Variants in MALRD1 observed in about 807,000 individuals in gnomAD.
The protein encoded by MALRD1 is MAM and LDL receptor class A domain containing 1, also known as MAM and LDL-receptor class A domain-containing protein 1.
A neutral mutation model predicts 242.1 loss-of-function variants in MALRD1; 247 were observed. That is an observed-to-expected ratio of 1.02 (90% CI 0.92 to 1.13). MALRD1 has a LOEUF of 1.13. Among genes scored for constraint, MALRD1 ranks in the 50% most tolerant of loss-of-function variants. The pLI is 0.00. For missense variants in MALRD1, 2,989 were observed against 2,533.1 expected (o/e 1.18, Z -3.86); for synonymous variants, 995 against 866.6 (o/e 1.15, Z -2.60).
intron 14 of MALRD1, among the ~76,000 whole-genome samples, chr10:19,197,146 C>G (rs1205736120): frequency 6.6e-6 from 1 of 152,066 alleles, no homozygotes; most frequent in East Asian, 1.9e-4. Flanking sequence ...AAACCATCAG[C>G]TCTCATGAGA....
intron 2 of MALRD1, among the ~76,000 whole-genome samples, chr10:19,073,283 A>T (rs1835212607): frequency 6.6e-6 from 1 of 152,140 alleles, no homozygotes; most frequent in Non-Finnish European, 1.5e-5. Context: ...AAAATGTATT[A>T]TAAATGTATA....
intron 21 of MALRD1, among the ~76,000 whole-genome samples, chr10:19,313,082 T>C (rs999857686): frequency 4.6e-5 from 7 of 151,426 alleles, no homozygotes; most frequent in African/African-American, 1.7e-4. Context: ...AACATGGTGA[T>C]GCTGATGTTG....
intron 26 of MALRD1, among the ~76,000 whole-genome samples, chr10:19,372,439 G>A (rs962197571): frequency 6.6e-6 from 1 of 151,814 alleles, no homozygotes; most frequent in Non-Finnish European, 1.5e-5. Context: ...AGTTAGTGTA[G>A]GATGAGACAT....
At chr10:19,612,047 A>C (rs1211819774) in intron 35 of MALRD1, among the ~76,000 whole-genome samples, 2 of 151,180 alleles carry the variant, frequency 1.3e-5, no homozygotes, top group Non-Finnish European at 1.5e-5. Flanking sequence ...AATGGTCAGC[A>C]CTCCTGTACT....
At chr10:19,108,108 C>G (rs1422475676) in intron 5 of MALRD1, among the ~76,000 whole-genome samples, 1 of 152,030 alleles carries the variant, frequency 6.6e-6, no homozygotes, top group Non-Finnish European at 1.5e-5. Context: ...TCTTTTCTCC[C>G]TCTGGAAATT....
intron 20 of MALRD1, among the ~76,000 whole-genome samples, chr10:19,282,326 T>C (rs1196208629): frequency 1.3e-5 from 2 of 152,204 alleles, no homozygotes; most frequent in African/African-American, 4.8e-5. Flanking sequence ...TAAATGGTCA[T>C]AGTGGTATGC....
At chr10:19,098,807 C>T (rs942576063) in intron 4 of MALRD1, among the ~76,000 whole-genome samples, 2 of 152,130 alleles carry the variant, frequency 1.3e-5, no homozygotes. Flanking sequence ...GAAGAGCTCT[C>T]TCCTGCAGAG....
At chr10:19,369,347 A>G (rs1845264798) in intron 26 of MALRD1, among the ~76,000 whole-genome samples, 1 of 145,592 alleles carries the variant, frequency 6.9e-6, no homozygotes, top group Non-Finnish European at 1.5e-5. Flanking sequence ...ATATGTATAT[A>G]TTGTATATCT....
chr10:19,337,465 C>T lies in MALRD1; in HGVS notation c.3901+5883C>T, dbSNP rs141956466. Among the ~76,000 whole-genome samples, 758 of 152,156 alleles carry T rather than the reference C, an allele frequency of 5.0e-3. 11 individuals are homozygous for T. The highest frequency in any genetic ancestry group is 0.017 in the African/African-American group (712 of 41,530). ...TCCTAGGGAGTATGAAGTGTAATCT[C>T]ATGGTGGTTTTGATTTGTATTTTCC... On this transcript the variant is annotated intron_variant, in intron 24 of 39. Transcript: ENST00000454679.
At chr10:19,591,821 T>C (rs1589279623) in intron 33 of MALRD1, among the ~76,000 whole-genome samples, 1 of 152,342 alleles carries the variant, frequency 6.6e-6, no homozygotes, top group East Asian at 1.9e-4. Context: ...GAAGCATATA[T>C]GTGGCAACTT....
At position 19,350,627 on chromosome 10, in the gene MALRD1, G is replaced by A. The variant is rs145047200; in HGVS notation, c.4150-1379G>A. 3.8e-3 allele frequency among the ~76,000 whole-genome samples: 573 copies of A among 152,162 alleles called. 7 individuals carry two copies. In the South Asian group the frequency reaches 0.041, roughly 11 times the overall value. On this transcript the variant is annotated intron_variant, in intron 25 of 39. Transcript: ENST00000454679. Reference sequence around the variant, plus strand: ...TCACTACCCTGTGTTAGGCTTTGTCGTCACCAGATGTTCCCCTTGGAAATA... The same window carrying A: ...TCACTACCCTGTGTTAGGCTTTGTCATCACCAGATGTTCCCCTTGGAAATA...
At chr10:19,293,497 T>G (rs893744408) in intron 21 of MALRD1, among the ~76,000 whole-genome samples, 4 of 152,208 alleles carry the variant, frequency 2.6e-5, no homozygotes, top group African/African-American at 7.2e-5. Flanking sequence ...TAATTTGTTG[T>G]GCGCAAGTAA....
chr10:19,241,620 T>C (rs1487916200), intron 18 of MALRD1, among the ~76,000 whole-genome samples: 1 of 152,100 alleles, frequency 6.6e-6, no homozygotes, highest in Non-Finnish European at 1.5e-5. Context: ...TTTGATGTTC[T>C]AGTTACTTGA....
intron 33 of MALRD1, among the ~76,000 whole-genome samples, chr10:19,572,686 A>C (rs910013927): frequency 6.6e-6 from 1 of 152,194 alleles, no homozygotes; most frequent in African/African-American, 2.4e-5. Flanking sequence ...ATGTAAATTA[A>C]CGGCATTTTG....
At chr10:19,603,564 G>C (rs1838466872) in intron 34 of MALRD1, among the ~76,000 whole-genome samples, 1 of 152,050 alleles carries the variant, frequency 6.6e-6, no homozygotes, top group Non-Finnish European at 1.5e-5. Context: ...TCTCTGTTTT[G>C]GTACCAGTAC....
chr10:19,167,408 CCT>C (rs1447315729), intron 13 of MALRD1, among the ~76,000 whole-genome samples: 6 of 152,012 alleles, frequency 3.9e-5, no homozygotes, highest in African/African-American at 1.4e-4. Flanking sequence ...TTACCGAAGC[CCT>C]CTATGCCTCT....
intron 36 of MALRD1, among the ~76,000 whole-genome samples, chr10:19,664,584 C>T (rs973113441): frequency 6.6e-6 from 1 of 151,896 alleles, no homozygotes; most frequent in African/African-American, 2.4e-5. Flanking sequence ...AGAATAACAT[C>T]TTTCTTTAAA....
At chr10:19,504,682 T>G (rs1007688600) in intron 31 of MALRD1, among the ~76,000 whole-genome samples, 83 of 138,688 alleles carry the variant, frequency 6.0e-4, no homozygotes, top group African/African-American at 1.9e-3. Context: ...TTTTTTTTTT[T>G]TTTTTTTTTT....
chr10:19,584,435 C>T (rs7081657), intron 33 of MALRD1, among the ~76,000 whole-genome samples: 77,590 of 151,198 alleles, frequency 0.51, 20,014 homozygotes, highest in African/African-American at 0.55. Context: ...TCTTTGTTCT[C>T]GTAGGTTTCA....
Sources: allele counts gnomAD v4.1 joint callset (sites outside exome capture counted in the v4.1 genomes callset), GRCh38; gene constraint gnomAD v4.1.1; transcripts MANE v1.5; gene names NCBI Gene and HGNC (gene_info 2026-07-23, HGNC 2026-07-21).